Variants in HCN1 observed in about 807,000 individuals in gnomAD.
The protein encoded by HCN1 is potassium/sodium hyperpolarization-activated cyclic nucleotide-gated channel 1.
In HCN1, 13 loss-of-function variants were observed where a neutral mutation model predicts 78.9. The observed-to-expected ratio is 0.16, with a 90% CI of 0.11 to 0.26. The LOEUF is 0.26. Among genes scored for constraint, HCN1 ranks in the 10% least tolerant of loss-of-function variants. The pLI, the probability that HCN1 is intolerant of heterozygous loss-of-function variation, is 1.00. For missense variants in HCN1, 810 were observed against 1,154.3 expected, an observed-to-expected ratio of 0.70 and a Z score of 4.32; for synonymous variants, 552 against 455.5, an observed-to-expected ratio of 1.21 and a Z score of -2.70.
chr5:45,421,478 T>C (rs1020751055), intron 3 of HCN1, among the ~76,000 whole-genome samples: 1 of 152,084 alleles, frequency 6.6e-6, no homozygotes, highest in African/African-American at 2.4e-5. Flanking sequence ...GATTAATATG[T>C]CAACAAAATA....
In HCN1 at chr5:45,282,738, C is replaced by A. The variant is rs182198593; in HGVS notation, c.1619-15485G>T. Reference sequence around the variant, plus strand: ...TCATTCTGTGTTATGGGAAATATACCCCGTAGGACTAACTAGTAATTCTTT... The same window carrying A: ...TCATTCTGTGTTATGGGAAATATACACCGTAGGACTAACTAGTAATTCTTT... On this transcript the variant is annotated intron_variant, in intron 6 of 7. Transcript: ENST00000303230. 2.0e-3 allele frequency among the ~76,000 whole-genome samples: 308 copies of A among 152,218 alleles called. 3 individuals carry two copies. Among genetic ancestry groups the A allele is most frequent in the African/African-American group, 7.2e-3 (299 of 41,550 alleles).
At position 45,259,287 on chromosome 5, in the gene HCN1, A is replaced by G. The variant is rs1744683834; in HGVS notation, c.*2634T>C. The stretch of plus-strand genomic sequence containing the variant: ...TGTTGAATTTATTAATAATCTTTAT[A>G]TATATTTATATATGTATGGCTTTGA... On this transcript the variant is annotated 3_prime_UTR_variant, in exon 8 of 8. Transcript: ENST00000303230. The G allele has an allele frequency of 6.6e-6, 1 of 152,004 alleles. No individual in the cohort carries two copies. Among genetic ancestry groups the G allele is most frequent in the Non-Finnish European group, 1.5e-5 (1 of 67,868 alleles). 9.4% of individuals were successfully genotyped at this position (152,004 alleles called of 1,614,324 possible). A position where few individuals can be genotyped will look rare whatever the true frequency, so the allele number is the denominator to read the frequency against.
chr5:45,437,963 C>T (rs984124304), intron 3 of HCN1, among the ~76,000 whole-genome samples: 1 of 152,124 alleles, frequency 6.6e-6, no homozygotes, highest in Non-Finnish European at 1.5e-5. Context: ...GCTTCAGTGG[C>T]TCTGCATTGG....
At chr5:45,683,293 T>C (rs574589525) in intron 1 of HCN1, among the ~76,000 whole-genome samples, 1 of 152,266 alleles carries the variant, frequency 6.6e-6, no homozygotes, top group East Asian at 1.9e-4. Flanking sequence ...GTCAGTGATT[T>C]TCTTTTCTTT....
intron 5 of HCN1, among the ~76,000 whole-genome samples, chr5:45,316,687 T>C (rs186159973): frequency 1.3e-5 from 2 of 152,074 alleles, no homozygotes; most frequent in Admixed American, 6.6e-5. Context: ...CCCAAAATCT[T>C]CTTAAGCTGA....
At chr5:45,614,511 C>T (rs1038045863) in intron 2 of HCN1, among the ~76,000 whole-genome samples, 1 of 152,156 alleles carries the variant, frequency 6.6e-6, no homozygotes, top group East Asian at 1.9e-4. Flanking sequence ...TGAAATAGGT[C>T]ACTTCTTCAC....
At chr5:45,383,937 C>T (rs768498285) in intron 4 of HCN1, among the ~76,000 whole-genome samples, 84 of 151,974 alleles carry the variant, frequency 5.5e-4, no homozygotes, top group Non-Finnish European at 1.1e-3. Flanking sequence ...ACAAAAACAA[C>T]CTTATACAAC....
chr5:45,476,397 T>G (rs985173716), intron 2 of HCN1, among the ~76,000 whole-genome samples: 1 of 152,110 alleles, frequency 6.6e-6, no homozygotes, highest in African/African-American at 2.4e-5. Flanking sequence ...CTGTAAGAAA[T>G]CACTATCTGT....
chr5:45,447,778 G>T (rs1740829961), intron 3 of HCN1, among the ~76,000 whole-genome samples: 2 of 151,996 alleles, frequency 1.3e-5, no homozygotes, highest in African/African-American at 4.8e-5. Flanking sequence ...ACATATGCTA[G>T]TCCTAAGGTT....
At chr5:45,335,784 T>C (rs542041394) in intron 5 of HCN1, among the ~76,000 whole-genome samples, 71 of 152,206 alleles carry the variant, frequency 4.7e-4, no homozygotes, top group Non-Finnish European at 8.5e-4. Flanking sequence ...TCTTTACAAC[T>C]CTGTGAAGCA....
intron 5 of HCN1, among the ~76,000 whole-genome samples, chr5:45,322,807 C>T (rs1746149507): frequency 6.6e-6 from 1 of 151,596 alleles, no homozygotes; most frequent in Non-Finnish European, 1.5e-5. Context: ...CATTATTAAC[C>T]CAATTTTATA....
intron 3 of HCN1, among the ~76,000 whole-genome samples, chr5:45,422,897 G>A (rs1258354015): frequency 6.6e-6 from 1 of 152,086 alleles, no homozygotes; most frequent in East Asian, 1.9e-4. Flanking sequence ...AGTAGGGAGT[G>A]GGGGATTAGG....
chr5:45,621,362 G>A (rs1745059211), intron 2 of HCN1, among the ~76,000 whole-genome samples: 1 of 151,706 alleles, frequency 6.6e-6, no homozygotes, highest in Non-Finnish European at 1.5e-5. Context: ...AGGCTTGGAA[G>A]GTTAAATGCT....
chr5:45,642,094 T>A (rs2112027287), intron 2 of HCN1: 1 of 152,306 alleles, frequency 6.6e-6, no homozygotes, highest in South Asian at 2.1e-4. Context: ...TTTCTAGCTA[T>A]TACAAGAAAA....
chr5:45,389,168 C>T (rs1747989829), intron 4 of HCN1, among the ~76,000 whole-genome samples: 1 of 152,088 alleles, frequency 6.6e-6, no homozygotes, highest in Non-Finnish European at 1.5e-5. Context: ...TATCTAGAGT[C>T]ATTTCACCTT....
At chr5:45,635,653 C>A (rs1343318761) in intron 2 of HCN1, among the ~76,000 whole-genome samples, 1 of 152,040 alleles carries the variant, frequency 6.6e-6, no homozygotes, top group Admixed American at 6.6e-5. Context: ...TATAACCAAC[C>A]AAATGTATTT....
chr5:45,288,941 C>T (rs1345075385), intron 6 of HCN1, among the ~76,000 whole-genome samples: 1 of 151,982 alleles, frequency 6.6e-6, no homozygotes, highest in Non-Finnish European at 1.5e-5. Flanking sequence ...AGTGAGAAAC[C>T]AGCCATCTGT....
chr5:45,266,722 T>C (rs1248553385), intron 7 of HCN1, among the ~76,000 whole-genome samples: 1 of 150,926 alleles, frequency 6.6e-6, no homozygotes, highest in Non-Finnish European at 1.5e-5. Context: ...TTTTTTTTTT[T>C]CTCTGAGACA....
chr5:45,578,718 G>GA (rs538845411), intron 2 of HCN1, among the ~76,000 whole-genome samples: 3 of 151,182 alleles, frequency 2.0e-5, no homozygotes, highest in Admixed American at 6.6e-5. Context: ...TTTTACAGAT[G>GA]AAAAAAAATG....
Sources: allele counts gnomAD v4.1 joint callset (sites outside exome capture counted in the v4.1 genomes callset), GRCh38; gene constraint gnomAD v4.1.1; transcripts MANE v1.5; gene names NCBI Gene and HGNC (gene_info 2026-07-23, HGNC 2026-07-21).